The following CCNF variants were observed in gnomAD, a reference collection of about 807,000 sequenced individuals.
The protein encoded by CCNF is cyclin F.
Under a neutral mutation model 85.4 loss-of-function variants are expected in CCNF, and 30 were observed. The observed-to-expected ratio is 0.35, with a 90% CI of 0.26 to 0.48. The LOEUF (loss-of-function observed/expected upper bound fraction) is 0.48, where lower values mean the gene tolerates loss of function less well. Among genes scored for constraint, CCNF ranks in the 20% least tolerant of loss-of-function variants. CCNF has a pLI of 0.99. For missense variants in CCNF, 919 were observed against 1,010.4 expected, an observed-to-expected ratio of 0.91 and a Z score of 1.23; for synonymous variants, 439 against 425.1, an observed-to-expected ratio of 1.03 and a Z score of -0.40.
chr16:2,441,905 A>G (rs1208432616), intron 8 of CCNF, among the ~76,000 whole-genome samples: 2 of 135,998 alleles, frequency 1.5e-5, no homozygotes, highest in Non-Finnish European at 3.1e-5. Flanking sequence ...GCACTTTTAA[A>G]TGAGATATTT....
chr16:2,450,493 G>A (rs1018218102), intron 13 of CCNF, among the ~76,000 whole-genome samples: 2 of 146,048 alleles, frequency 1.4e-5, no homozygotes, highest in African/African-American at 2.6e-5. Flanking sequence ...CCCAGGCAAC[G>A]AGTGAAACTC....
Position 2,451,044 on chromosome 16 carries a change from G to A in CCNF, c.1487+1129G>A, listed in dbSNP as rs987204448. On this transcript the variant is annotated intron_variant, in intron 13 of 16. Transcript: ENST00000397066. This position sits in a 1 kb window ranked among gnomAD's most constrained non-coding sequence, Gnocchi z 4.3. ...CGGCCCCTCCGCCCTTCTCTCTGGT[G>A]AGCCTGGCCCGGCCCTCGCCACATC... Among the ~76,000 whole-genome samples, 4 of 152,180 alleles carry A rather than the reference G, an allele frequency of 2.6e-5. No homozygotes were observed. Among genetic ancestry groups the A allele is most frequent in the African/African-American group, 7.2e-5 (3 of 41,438 alleles).
chr16:2,429,558 G>T (rs943689643), intron 1 of CCNF, 61 bp downstream of exon 1: 54 of 1,220,574 alleles, frequency 4.4e-5, no homozygotes, highest in Non-Finnish European at 5.2e-5. Context: ...GCCCTGCGGG[G>T]CGGACGGTGG....
chr16:2,442,228 G>C (rs2065327341), intron 8 of CCNF, among the ~76,000 whole-genome samples: 1 of 139,090 alleles, frequency 7.2e-6, no homozygotes, highest in African/African-American at 2.6e-5. Flanking sequence ...AGGATGGTCT[G>C]GATCTCCTGA....
chr16:2,436,164 TC>T (rs2065290070), intron 4 of CCNF: 1 of 333,008 alleles, frequency 3.0e-6, no homozygotes, highest in South Asian at 4.4e-5. Flanking sequence ...CTGTTTGGGC[TC>T]CCTGCCCTGT....
rs1188757405 is a variant in CCNF, at chr16:2,451,042, G to T, written c.1487+1127G>T. 6.6e-6 allele frequency among the ~76,000 whole-genome samples: 1 copy of T among 152,184 alleles called. No individual in the cohort carries two copies. Among genetic ancestry groups the T allele is most frequent in the Non-Finnish European group, 1.5e-5 (1 of 68,032 alleles). On this transcript the variant is annotated intron_variant, in intron 13 of 16. Coordinates refer to ENST00000397066, the MANE Select transcript of CCNF (RefSeq NM_001761.3). This position sits in a 1 kb window ranked among gnomAD's most constrained non-coding sequence, Gnocchi z 4.3. ...CCCGGCCCCTCCGCCCTTCTCTCTG[G>T]TGAGCCTGGCCCGGCCCTCGCCACA...
rs1222692813 is a variant in CCNF at position 2,453,464 on chromosome 16, G to A, written c.1642G>A (p.Asp548Asn). Reference protein sequence around the residue: ...AALGVTQDSPDPPTFLSTGEI... With the variant: ...AALGVTQDSPNPPTFLSTGEI... ...ATTAGGAGTGACACAAGACAGCCCCGACCCCCCGACTTTCCTCAGCACAGG... is the reference window on the plus strand; with the variant it reads ...ATTAGGAGTGACACAAGACAGCCCCAACCCCCCGACTTTCCTCAGCACAGG... The change falls in exon 15 of 17, where the codon GAC becomes AAC. Residue 548 changes from aspartate to asparagine, a missense_variant. Asp to Asn is a conservative substitution (Grantham distance 23). This residue lies in a region of CCNF where 505 missense variants were observed against 514.8 expected (regional missense o/e 0.98). Coordinates refer to ENST00000397066, the MANE Select transcript of CCNF (RefSeq NM_001761.3). The surrounding 1 kb of genome is among the most constrained non-coding windows in gnomAD (Gnocchi z 5.6). The A allele has an allele frequency of 1.5e-5, 25 of 1,613,896 alleles. No homozygotes were observed. Among genetic ancestry groups the A allele is most frequent in the African/African-American group, 5.3e-5 (4 of 74,890 alleles).
chr16:2,429,622 T>A (rs2065252603), intron 1 of CCNF, 125 bp downstream of exon 1: 1 of 971,728 alleles, frequency 1.0e-6, no homozygotes, highest in Non-Finnish European at 1.3e-6. Context: ...TCGAGCTCTT[T>A]AACCCGGGGC....
At chr16:2,450,838 CA>C (rs143891459) in intron 13 of CCNF, among the ~76,000 whole-genome samples, 98 of 152,354 alleles carry the variant, frequency 6.4e-4, no homozygotes, top group African/African-American at 2.1e-3. Context: ...ACGTGGCCCC[CA>C]GTCAGGAAAA....
chr16:2,439,547 G>A, intron 7 of CCNF, 90 bp downstream of exon 7: 1 of 1,043,200 alleles, frequency 9.6e-7, no homozygotes, highest in Non-Finnish European at 1.4e-6. Flanking sequence ...GTCCACAAAA[G>A]GGAGGTGGCT....
intron 8 of CCNF, among the ~76,000 whole-genome samples, chr16:2,441,149 G>C (rs1447166543): frequency 1.3e-5 from 2 of 151,908 alleles, no homozygotes; most frequent in Non-Finnish European, 2.9e-5. Flanking sequence ...CAGGAGAATT[G>C]CTTGAACCCA....
Position 2,431,182 on chromosome 16 carries a change from A to G in CCNF, c.69A>G (p.Ile23Met). Residue 23 changes from isoleucine (I) to methionine (M), a missense_variant, in exon 2 of 17, where the codon ATA becomes ATG. Physicochemically the swap from Ile to Met is conservative, Grantham distance 10. Coordinates refer to ENST00000397066, the MANE Select transcript of CCNF (RefSeq NM_001761.3). ...KCFCYPTKRR[I>M]RRRPRNLTIL... The stretch of plus-strand genomic sequence containing the variant: ...TCTGTTATCCTACAAAGCGAAGAAT[A>G]AGGAGGAGGCCCCGAAACCTGACCA... 1 of 1,614,110 alleles carries G rather than the reference A, an allele frequency of 6.2e-7. No individual in the cohort carries two copies. Among genetic ancestry groups the G allele is most frequent in the Non-Finnish European group, 8.5e-7 (1 of 1,180,004 alleles).
chr16:2,444,493 G>A (rs374687701), intron 9 of CCNF, among the ~76,000 whole-genome samples: 2 of 150,322 alleles, frequency 1.3e-5, no homozygotes, highest in Non-Finnish European at 3.0e-5. Flanking sequence ...GTAGAGATGG[G>A]GTTTCATCGT....
chr16:2,438,059 T>C lies in CCNF; in HGVS notation c.541-11T>C, dbSNP rs1055788400. The C allele has an allele frequency of 6.3e-7, 1 of 1,598,696 alleles. No homozygotes were observed. The highest frequency in any genetic ancestry group is 1.3e-5 in the African/African-American group (1 of 74,678). On this transcript the variant is annotated splice_polypyrimidine_tract_variant and intron_variant, in intron 5 of 16. Transcript: ENST00000397066. ...TGCTGGAAATCACACTTCTTTCTCC[T>C]TTTTTTAAAGACTCACAAAGCATCC... is the stretch of plus-strand genomic sequence containing the variant.
In CCNF at chr16:2,446,748, T is replaced by C. The variant is rs117395112; in HGVS notation, c.1094+1126T>C. ...TTCCAGGCTCAGGTCATTGGCATGT[T>C]TTTTGTTTCATGAGGAAGCAGAGGA... is the stretch of plus-strand genomic sequence containing the variant. On this transcript the variant is annotated intron_variant, in intron 10 of 16. Transcript: ENST00000397066. Among the ~76,000 whole-genome samples, 1,149 of 152,294 alleles carry C rather than the reference T, an allele frequency of 7.5e-3. 13 individuals are homozygous for C. Among genetic ancestry groups the C allele is most frequent in the Middle Eastern group, 0.01 (3 of 294 alleles).
Position 2,429,591 on chromosome 16 carries a change from G to A in CCNF, c.16+94G>A, listed in dbSNP as rs1292360505. 3.5e-6 allele frequency: 4 copies of A among 1,152,804 alleles called. No homozygotes were observed. In the African/African-American group the frequency reaches 4.8e-5, roughly 14 times the overall value. The allele number at this position is 1,152,804 out of a possible 1,614,324, so 71.4% of individuals were successfully genotyped here. A position where few individuals can be genotyped will look rare whatever the true frequency, so the allele number is the denominator to read the frequency against. ...TGGGTCCCGCGGGAGGGGAGGCCCTGGCGGCCTGAAGAGGGCTGGCTCGAG... is the reference window on the plus strand; with the variant it reads ...TGGGTCCCGCGGGAGGGGAGGCCCTAGCGGCCTGAAGAGGGCTGGCTCGAG... On this transcript the variant is annotated intron_variant, in intron 1 of 16. Transcript: ENST00000397066.
At chr16:2,434,831 G>A (rs544701042) in intron 3 of CCNF, among the ~76,000 whole-genome samples, 12 of 152,148 alleles carry the variant, frequency 7.9e-5, no homozygotes, top group African/African-American at 2.4e-4. Flanking sequence ...TTTGCCTTTT[G>A]TGAGGATTTC....
chr16:2,437,022 C>T, intron 4 of CCNF, 107 bp from the exon 5 acceptor site: 1 of 922,630 alleles, frequency 1.1e-6, no homozygotes, highest in South Asian at 2.0e-5. Context: ...AGCTGCTTTG[C>T]ACTATGGTGG....
intron 10 of CCNF, among the ~76,000 whole-genome samples, chr16:2,447,071 C>T (rs1350929965): frequency 3.9e-5 from 6 of 152,150 alleles, no homozygotes; most frequent in South Asian, 2.1e-4. Context: ...GGAGGTCGGG[C>T]GGCCGCCTCC....
Sources: allele counts gnomAD v4.1 joint callset (sites outside exome capture counted in the v4.1 genomes callset), GRCh38; gene constraint gnomAD v4.1.1; regional missense constraint gnomAD v4.1.1; non-coding constraint Gnocchi (gnomAD v3.1); transcripts MANE v1.5; gene names NCBI Gene and HGNC (gene_info 2026-07-23, HGNC 2026-07-21).